Variants in DMXL1 observed in about 807,000 individuals in gnomAD.
DMXL1 encodes dmX-like protein 1.
DMXL1 carries 99 observed loss-of-function variants against 319.2 expected under a neutral mutation model. The observed-to-expected ratio is 0.31, with a 90% CI of 0.26 to 0.37. DMXL1 has a LOEUF of 0.37. Ranked by LOEUF, DMXL1 falls within the 10% of genes least tolerant of loss-of-function variation. The pLI is 1.00. For missense variants in DMXL1, 3,745 were observed against 3,595.6 expected (o/e 1.04, Z -1.06); for synonymous variants, 1,385 against 1,235.2 (o/e 1.12, Z -2.54).
At chr5:119,207,631 G>A (rs1581330014) in intron 34 of DMXL1, among the ~76,000 whole-genome samples, 1 of 152,120 alleles carries the variant, frequency 6.6e-6, no homozygotes, top group East Asian at 1.9e-4. Context: ...CGATTCTCCT[G>A]CCTCAACCTC....
intron 1 of DMXL1, among the ~76,000 whole-genome samples, chr5:119,083,431 A>G (rs1002062046): frequency 6.6e-6 from 1 of 152,188 alleles, no homozygotes; most frequent in African/African-American, 2.4e-5. Context: ...GGTACTGTGA[A>G]TAGTGCTGCA....
intron 10 of DMXL1, among the ~76,000 whole-genome samples, chr5:119,129,877 T>G (rs1764432436): frequency 6.6e-6 from 1 of 152,186 alleles, no homozygotes; most frequent in South Asian, 2.1e-4. Flanking sequence ...GAGAGAGAGT[T>G]AGAGAGAAAG....
intron 8 of DMXL1, among the ~76,000 whole-genome samples, chr5:119,119,877 AGTTGTTTTGTT>A (rs1761662682): frequency 7.0e-6 from 1 of 143,780 alleles, no homozygotes; most frequent in Admixed American, 7.0e-5. Flanking sequence ...TGGGTGGGGG[AGTTGTTTTGTT>A]GTTGTTTTTT....
intron 19 of DMXL1, among the ~76,000 whole-genome samples, chr5:119,153,199 ACTC>A (rs1352712018): frequency 3.3e-5 from 5 of 151,790 alleles, no homozygotes; most frequent in Admixed American, 6.6e-5. Flanking sequence ...CTAGTCTTGA[ACTC>A]CTGACCTCAA....
chr5:119,148,738 G>T lies in DMXL1; in HGVS notation c.2912-1G>T. 1 of 1,594,428 alleles carries T rather than the reference G, an allele frequency of 6.3e-7. No homozygotes were observed. The highest frequency in any genetic ancestry group is 1.1e-5 in the South Asian group (1 of 88,196). Reference sequence around the variant, plus strand: ...TTGTTAACGGATTATTTTTATTTTAGGACATCTGAGTTCATCTTCTATATA... The same window carrying T: ...TTGTTAACGGATTATTTTTATTTTATGACATCTGAGTTCATCTTCTATATA... On this transcript the variant is annotated splice_acceptor_variant, in intron 17 of 43. Coordinates refer to ENST00000539542, the MANE Select transcript of DMXL1 (RefSeq NM_001290321.3). LOFTEE classifies it high-confidence loss of function.
intron 13 of DMXL1, among the ~76,000 whole-genome samples, chr5:119,137,735 C>G (rs147144353): frequency 1.3e-5 from 2 of 152,286 alleles, no homozygotes; most frequent in African/African-American, 4.8e-5. Context: ...CTTCATCTTC[C>G]GCCATGATTG....
chr5:119,110,185 A>G lies in DMXL1; in HGVS notation c.399A>G (p.Gln133=), dbSNP rs1759266372. The change falls in exon 5 of 44, where the codon CAA becomes CAG. Residue 133 remains glutamine (Q), a synonymous_variant. Transcript: ENST00000539542. ...TTTTAACTGGTTCCAGCTATTTGCA[A>G]CTCTGGTCCAATACTAACTTGGAGA... ...SRLLTGSSYL[Q]LWSNTNLEKP... is the part of the protein sequence containing the mutation. 6 of 1,596,984 alleles carry G rather than the reference A, an allele frequency of 3.8e-6. No homozygotes were observed. Among genetic ancestry groups the G allele is most frequent in the East Asian group, 2.3e-5 (1 of 43,990 alleles).
intron 32 of DMXL1, among the ~76,000 whole-genome samples, chr5:119,199,830 GTTATA>G (rs1469734762): frequency 1.3e-5 from 2 of 152,286 alleles, no homozygotes; most frequent in East Asian, 3.9e-4. Flanking sequence ...CAAATGATCA[GTTATA>G]TTAAGCTTTT....
intron 2 of DMXL1, among the ~76,000 whole-genome samples, chr5:119,099,127 G>A (rs1024452395): frequency 4.6e-5 from 7 of 150,908 alleles, no homozygotes; most frequent in South Asian, 2.1e-4. Flanking sequence ...ATGACTTCTC[G>A]CTGTACAACA....
rs371037383 is a variant in DMXL1 at position 119,081,972 on chromosome 5, T to C, written c.87+10316T>C. Among the ~76,000 whole-genome samples, 347 of 147,884 alleles carry C rather than the reference T, an allele frequency of 2.3e-3. 2 individuals carry two copies. Among genetic ancestry groups the C allele is most frequent in the African/African-American group, 8.0e-3 (326 of 40,762 alleles). ...AATTGATTGCTGACTGTCATAACTA[T>C]TTCCCAGAGGAAGTTTTCTTAAGGT... On this transcript the variant is annotated intron_variant, in intron 1 of 43. Coordinates refer to ENST00000539542, the MANE Select transcript of DMXL1 (RefSeq NM_001290321.3).
chr5:119,183,665 G>A (rs182969613), intron 28 of DMXL1, among the ~76,000 whole-genome samples: 1 of 152,160 alleles, frequency 6.6e-6, no homozygotes, highest in East Asian at 1.9e-4. Context: ...GTAGAGACGG[G>A]CTAGGCTGGT....
intron 32 of DMXL1, among the ~76,000 whole-genome samples, chr5:119,200,956 A>G (rs1177875290): frequency 6.6e-6 from 1 of 152,182 alleles, no homozygotes; most frequent in Non-Finnish European, 1.5e-5. Flanking sequence ...TATCAGATCT[A>G]GGAGCTTTTG....
intron 1 of DMXL1, among the ~76,000 whole-genome samples, chr5:119,073,502 T>C (rs1750117129): frequency 6.6e-6 from 1 of 152,182 alleles, no homozygotes; most frequent in Non-Finnish European, 1.5e-5. Flanking sequence ...GTATTGTTTT[T>C]AAGGAGAGAT....
chr5:119,232,405 A>T (rs1251449775), intron 38 of DMXL1, among the ~76,000 whole-genome samples: 1 of 152,142 alleles, frequency 6.6e-6, no homozygotes, highest in East Asian at 1.9e-4. Context: ...CAAGTGCTAG[A>T]TGTTTTATAT....
rs376920587 is a variant in DMXL1, at chr5:119,120,223, C to T, written c.934-748C>T. 9.5e-4 allele frequency among the ~76,000 whole-genome samples: 145 copies of T among 152,304 alleles called. 3 individuals carry two copies. In the South Asian group the frequency reaches 0.028, roughly 29 times the overall value. On this transcript the variant is annotated intron_variant, in intron 8 of 43. Coordinates refer to ENST00000539542, the MANE Select transcript of DMXL1 (RefSeq NM_001290321.3). ...CCTGAAAACAGAAGTGATTTTGAAA[C>T]AATTTATCTTTGAATGCTTTGTATG...
chr5:119,207,578 TCA>T (rs1245256943), intron 34 of DMXL1, among the ~76,000 whole-genome samples: 2 of 152,144 alleles, frequency 1.3e-5, no homozygotes, highest in African/African-American at 4.8e-5. Context: ...GAGTGAAGTG[TCA>T]CAGTCTTGGT....
At chr5:119,100,336 T>C (rs1262970536) in intron 2 of DMXL1, among the ~76,000 whole-genome samples, 1 of 151,370 alleles carries the variant, frequency 6.6e-6, no homozygotes, top group Non-Finnish European at 1.5e-5. Context: ...CTCAGGAGGC[T>C]GAGGCAGGAG....
At chr5:119,148,233 A>G (rs1054033556) in intron 17 of DMXL1, among the ~76,000 whole-genome samples, 3 of 152,184 alleles carry the variant, frequency 2.0e-5, no homozygotes, top group African/African-American at 7.2e-5. Context: ...TTAAGTAAAC[A>G]TAGGCCATTC....
rs768991329 is a variant in DMXL1, at chr5:119,149,028, T to C, written c.3201T>C (p.Asn1067=). 8.1e-6 allele frequency: 13 copies of C among 1,613,922 alleles called. No homozygotes were observed. The Admixed American group carries it at 1.8e-4, about 23-fold the overall frequency. The change falls in exon 18 of 44, where the codon AAT becomes AAC. Residue 1067 remains asparagine, a synonymous_variant. Transcript: ENST00000539542. The stretch of plus-strand genomic sequence containing the variant: ...TAGCTTATAAGCAGCCTGCATCTAA[T>C]AGTAGATCTTCCCAGGACTTTGTGA... ...LAVAYKQPAS[N]SRSSQDFVMH... is the part of the protein sequence containing the mutation.
Sources: gnomAD v4.1 joint callset for allele counts (sites outside exome capture counted in the v4.1 genomes callset) on GRCh38, gnomAD v4.1.1 for gene constraint, MANE v1.5 for transcripts, NCBI Gene and HGNC (gene_info 2026-07-23, HGNC 2026-07-21) for gene names.